TCF12: variants seen among roughly 807,000 people sequenced by gnomAD.
TCF12 encodes transcription factor 12.
Under a neutral mutation model 86.0 loss-of-function variants are expected in TCF12, and 45 were observed. That is an observed-to-expected ratio of 0.52 (90% CI 0.41 to 0.67). The LOEUF (loss-of-function observed/expected upper bound fraction) is 0.67. TCF12 is among the 30% of genes least tolerant of loss of function. The pLI, the probability that TCF12 is intolerant of heterozygous loss-of-function variation, is 0.00. For synonymous variants in TCF12, 330 were observed against 299.6 expected (o/e 1.10, Z -1.05); for missense variants, 881 against 859.9 (o/e 1.02, Z -0.31).
chr15:56,937,311 A>C (rs1223482744), intron 3 of TCF12, among the ~76,000 whole-genome samples: 1 of 150,494 alleles, frequency 6.6e-6, no homozygotes, highest in Admixed American at 6.6e-5. Context: ...TGATTTGTAT[A>C]CGTTAATTTG....
chr15:57,124,921 C>T (rs1430537231), intron 5 of TCF12, among the ~76,000 whole-genome samples: 1 of 151,978 alleles, frequency 6.6e-6, no homozygotes, highest in African/African-American at 2.4e-5. Context: ...ATCCGCCCGC[C>T]TCCATCTCCC....
chr15:57,060,159 GTATAT>G (rs1199328059), intron 3 of TCF12, among the ~76,000 whole-genome samples: 3 of 152,120 alleles, frequency 2.0e-5, no homozygotes, highest in Admixed American at 6.6e-5. Flanking sequence ...GGAACTGCCT[GTATAT>G]ATAGTAATTT....
chr15:56,963,689 C>T (rs1269808096), intron 3 of TCF12, among the ~76,000 whole-genome samples: 1 of 152,212 alleles, frequency 6.6e-6, no homozygotes, highest in African/African-American at 2.4e-5. Flanking sequence ...ACAACCTTCT[C>T]TCACCCTTTT....
chr15:57,128,000 G>GAT (rs1220406882), intron 5 of TCF12, among the ~76,000 whole-genome samples: 3 of 152,128 alleles, frequency 2.0e-5, no homozygotes, highest in Admixed American at 2.0e-4. Context: ...TAAAAAGGGG[G>GAT]ATATAATGTT....
chr15:57,016,088 C>A (rs761425127), intron 3 of TCF12, among the ~76,000 whole-genome samples: 2 of 152,182 alleles, frequency 1.3e-5, no homozygotes, highest in Non-Finnish European at 2.9e-5. Context: ...TCATTATTTA[C>A]GTGTACCCTG....
At chr15:57,212,150 G>A (rs1170138503) in intron 8 of TCF12, among the ~76,000 whole-genome samples, 1 of 151,998 alleles carries the variant, frequency 6.6e-6, no homozygotes, top group African/African-American at 2.4e-5. Flanking sequence ...AAAATAAAAT[G>A]GTAATTAAAC....
At chr15:57,139,580 A>C (rs539116468) in intron 5 of TCF12, among the ~76,000 whole-genome samples, 2 of 152,142 alleles carry the variant, frequency 1.3e-5, no homozygotes, top group Admixed American at 6.5e-5. Flanking sequence ...CTAAACCACC[A>C]GGGAGATCTT....
chr15:57,150,877 T>C (rs12898853), intron 5 of TCF12, among the ~76,000 whole-genome samples: 27,679 of 48,028 alleles, frequency 0.58, 6,563 homozygotes, highest in Middle Eastern at 0.65. Flanking sequence ...CTCTGTCCCT[T>C]CCTTCCTTCC....
At chr15:57,282,387 T>G in intron 19 of TCF12, 58 bp from the exon 20 acceptor site, 1 of 1,602,748 alleles carries the variant, frequency 6.2e-7, no homozygotes, top group Non-Finnish European at 8.5e-7. Flanking sequence ...TTGTTCAGCT[T>G]GAGACCTAAT....
chr15:57,208,754 C>G (rs548309656), intron 8 of TCF12, among the ~76,000 whole-genome samples: 1 of 151,616 alleles, frequency 6.6e-6, no homozygotes, highest in Non-Finnish European at 1.5e-5. Flanking sequence ...GTGGTCCAGG[C>G]TGGAGTACAG....
intron 4 of TCF12, among the ~76,000 whole-genome samples, chr15:57,082,315 A>G (rs1470946728): frequency 6.6e-6 from 1 of 152,238 alleles, no homozygotes; most frequent in Non-Finnish European, 1.5e-5. Context: ...CAGTCCACAC[A>G]ACACTGGCTA....
intron 5 of TCF12, among the ~76,000 whole-genome samples, chr15:57,157,488 CTG>C (rs1942845779): frequency 6.6e-6 from 1 of 151,460 alleles, no homozygotes; most frequent in Non-Finnish European, 1.5e-5. Context: ...GAATATACAA[CTG>C]TTAAGAAAAG....
intron 8 of TCF12, chr15:57,219,701 T>C (rs1007575974): frequency 4.5e-6 from 4 of 892,156 alleles, no homozygotes; most frequent in African/African-American, 3.4e-5. Context: ...TTTTATGCAA[T>C]GTATTAGATT....
At position 57,289,588 on chromosome 15, in the gene TCF12, A is replaced by C. The variant is rs2062037213; in HGVS notation, c.*3443A>C. On this transcript the variant is annotated 3_prime_UTR_variant, in exon 21 of 21. Transcript: ENST00000333725. ...TTTTCTTTTTCCTTGGAAACTCAAA[A>C]TTTAAACACACGTCGTGTGTGTGTG... 3 of 144,548 alleles carry C rather than the reference A, an allele frequency of 2.1e-5. No individual in the cohort carries two copies. The South Asian group carries it at 6.5e-4, about 31-fold the overall frequency. 9.0% of individuals were successfully genotyped at this position (144,548 alleles called of 1,614,324 possible).
intron 19 of TCF12, among the ~76,000 whole-genome samples, chr15:57,276,894 T>G (rs956944771): frequency 6.8e-6 from 1 of 147,768 alleles, no homozygotes; most frequent in Admixed American, 6.9e-5. Flanking sequence ...AACCTCTGCC[T>G]CCTGAGTTCA....
intron 7 of TCF12, among the ~76,000 whole-genome samples, chr15:57,194,041 G>A (rs1251180878): frequency 6.6e-6 from 1 of 152,152 alleles, no homozygotes; most frequent in Non-Finnish European, 1.5e-5. Flanking sequence ...TAACTTGTTA[G>A]TATGCTATGT....
intron 8 of TCF12, among the ~76,000 whole-genome samples, chr15:57,200,216 C>T (rs565301338): frequency 6.6e-6 from 1 of 151,998 alleles, no homozygotes; most frequent in Non-Finnish European, 1.5e-5. Flanking sequence ...AACAGAAAAA[C>T]CTTAAAGACA....
intron 3 of TCF12, among the ~76,000 whole-genome samples, chr15:56,981,054 A>G (rs1595948252): frequency 6.6e-6 from 1 of 152,202 alleles, no homozygotes; most frequent in Admixed American, 6.5e-5. Context: ...TAAATTCCGG[A>G]CTAATGATGA....
chr15:57,052,281 T>G (rs16977221), intron 3 of TCF12, among the ~76,000 whole-genome samples: 1,698 of 152,274 alleles, frequency 0.011, 31 homozygotes, highest in African/African-American at 0.04. Flanking sequence ...TTGTATCTTT[T>G]ATGAAGGTTG....
Sources: allele counts gnomAD v4.1 joint callset (sites outside exome capture counted in the v4.1 genomes callset), GRCh38; gene constraint gnomAD v4.1.1; transcripts MANE v1.5; gene names NCBI Gene and HGNC (gene_info 2026-07-23, HGNC 2026-07-21).